HTR4: variants seen among roughly 807,000 people sequenced by gnomAD.
The protein encoded by HTR4 is 5-hydroxytryptamine (serotonin) receptor 4, G protein-coupled.
HTR4 carries 16 observed loss-of-function variants against 36.8 expected under a neutral mutation model. The ratio of observed to expected loss-of-function variants is 0.43; its 90% CI spans 0.29 to 0.66. HTR4 has a LOEUF of 0.66. Among genes scored for constraint, HTR4 ranks in the 30% least tolerant of loss-of-function variants. HTR4 has a pLI of 0.13. For synonymous variants in HTR4, 189 were observed against 185.1 expected (o/e 1.02, Z -0.17); for missense variants, 438 against 490.9 (o/e 0.89, Z 1.02).
chr5:148,513,530 A>G (rs1212263265), intron 5 of HTR4, among the ~76,000 whole-genome samples: 4 of 152,184 alleles, frequency 2.6e-5, no homozygotes, highest in Non-Finnish European at 4.4e-5. Context: ...TTTAACTTCT[A>G]TAACTTCATA....
At chr5:148,477,703 C>T (rs933512748), downstream of HTR4, among the ~76,000 whole-genome samples, 1 of 152,188 alleles carries the variant, frequency 6.6e-6, no homozygotes, top group African/African-American at 2.4e-5. Context: ...TGGTAAATGG[C>T]ACCAAAGCTA....
chr5:148,587,980 C>A (rs184050831), intron 2 of HTR4, among the ~76,000 whole-genome samples: 1 of 152,206 alleles, frequency 6.6e-6, no homozygotes, highest in Non-Finnish European at 1.5e-5. Flanking sequence ...GGATAACTGA[C>A]TGCCCTCAGT....
chr5:148,478,111 T>C (rs115744916), downstream of HTR4, among the ~76,000 whole-genome samples: 190 of 152,362 alleles, frequency 1.2e-3, no homozygotes, highest in African/African-American at 4.5e-3. Flanking sequence ...AGTAGACTTC[T>C]GGCAAGAGAC....
chr5:148,459,071 T>C (rs1033435278), intron 5 of HTR4, among the ~76,000 whole-genome samples: 13 of 152,110 alleles, frequency 8.5e-5, no homozygotes, highest in African/African-American at 3.1e-4. Context: ...TGAGATGTAG[T>C]TGGATTCAGG....
chr5:148,540,180 T>C (rs1759034949), intron 4 of HTR4, among the ~76,000 whole-genome samples: 2 of 151,256 alleles, frequency 1.3e-5, no homozygotes, highest in African/African-American at 2.4e-5. Flanking sequence ...CGAGAACTCA[T>C]GAACACAAAA....
intron 5 of HTR4, among the ~76,000 whole-genome samples, chr5:148,518,107 A>C (rs1338647605): frequency 1.3e-5 from 2 of 152,140 alleles, no homozygotes; most frequent in African/African-American, 4.8e-5. Flanking sequence ...TTAAAGTTGT[A>C]ACTGAAACAT....
intron 2 of HTR4, among the ~76,000 whole-genome samples, chr5:148,586,059 C>T (rs557681541): frequency 6.6e-6 from 1 of 152,294 alleles, no homozygotes; most frequent in Admixed American, 6.5e-5. Context: ...ACCTCACTCA[C>T]CATTTCTTTC....
At chr5:148,512,818 C>G (rs922897768) in intron 5 of HTR4, among the ~76,000 whole-genome samples, 4 of 151,988 alleles carry the variant, frequency 2.6e-5, no homozygotes, top group Non-Finnish European at 5.9e-5. Flanking sequence ...TGAATTCTAG[C>G]TCCTAGGGTG....
intron 5 of HTR4, among the ~76,000 whole-genome samples, chr5:148,462,765 G>C (rs1285651060): frequency 6.6e-6 from 1 of 152,030 alleles, no homozygotes; most frequent in Non-Finnish European, 1.5e-5. Context: ...TCATCAACAA[G>C]ATATTAGCAA....
intron 2 of HTR4, among the ~76,000 whole-genome samples, chr5:148,590,445 C>A (rs537057224): frequency 5.9e-5 from 9 of 151,502 alleles, no homozygotes; most frequent in Non-Finnish European, 1.2e-4. Flanking sequence ...TATAGGCATG[C>A]GCCACCATGC....
rs1312219847 is a variant in HTR4 at position 148,585,733 on chromosome 5, A to G, written c.27-35471T>C. ...CCTATTGGGTTGGTCTTTTGTCTAT[A>G]TCCTGAAATTCCTGATTTACATTTT... On this transcript the variant is annotated intron_variant, in intron 2 of 6. Coordinates refer to ENST00000377888, the MANE Select transcript of HTR4 (RefSeq NM_000870.7). Among the ~76,000 whole-genome samples the G allele has an allele frequency of 2.6e-5, 4 of 152,174 alleles. No individual in the cohort carries two copies. The East Asian group carries it at 7.7e-4, about 29-fold the overall frequency.
intron 5 of HTR4, among the ~76,000 whole-genome samples, chr5:148,457,152 A>G (rs1459297432): frequency 6.6e-6 from 1 of 151,608 alleles, no homozygotes; most frequent in Non-Finnish European, 1.5e-5. Context: ...AGAGACAATC[A>G]TCTGTCAGAG....
At chr5:148,651,717 A>C (rs529454625) in intron 1 of HTR4, among the ~76,000 whole-genome samples, 31 of 147,890 alleles carry the variant, frequency 2.1e-4, no homozygotes, top group African/African-American at 8.3e-4. Context: ...TTATTGAATA[A>C]TATTATTGAA....
At chr5:148,548,507 G>C (rs1202214026) in intron 4 of HTR4, among the ~76,000 whole-genome samples, 161 bp downstream of exon 4, 1 of 152,170 alleles carries the variant, frequency 6.6e-6, no homozygotes, top group Non-Finnish European at 1.5e-5. Flanking sequence ...TAAAAAGGGG[G>C]CCTCTGCAAA....
intron 2 of HTR4, among the ~76,000 whole-genome samples, chr5:148,633,964 T>C (rs1056727837): frequency 6.6e-6 from 1 of 152,170 alleles, no homozygotes; most frequent in South Asian, 2.1e-4. Flanking sequence ...TAGTTTCTGA[T>C]GTTTTTAGTC....
intron 2 of HTR4, among the ~76,000 whole-genome samples, chr5:148,590,569 T>G (rs1033241698): frequency 6.6e-6 from 1 of 152,134 alleles, no homozygotes; most frequent in African/African-American, 2.4e-5. Flanking sequence ...ATTAAATTTT[T>G]GGGGTATATC....
chr5:148,586,339 T>C (rs1761348313), intron 2 of HTR4, among the ~76,000 whole-genome samples: 1 of 151,994 alleles, frequency 6.6e-6, no homozygotes, highest in African/African-American at 2.4e-5. Flanking sequence ...GTTGAACAAA[T>C]GAATGAATAA....
chr5:148,557,644 A>C (rs1003284185), intron 2 of HTR4, among the ~76,000 whole-genome samples: 1 of 152,050 alleles, frequency 6.6e-6, no homozygotes, highest in African/African-American at 2.4e-5. Flanking sequence ...TAGAGAAGGT[A>C]GAACCAGCAG....
intron 1 of HTR4, among the ~76,000 whole-genome samples, chr5:148,653,512 G>T (rs936670251): frequency 1.3e-5 from 2 of 152,112 alleles, no homozygotes; most frequent in African/African-American, 2.4e-5. Context: ...GACCGCCAAG[G>T]CTTTATGCAG....
Sources: allele counts gnomAD v4.1 joint callset (sites outside exome capture counted in the v4.1 genomes callset), GRCh38; gene constraint gnomAD v4.1.1; transcripts MANE v1.5; gene names NCBI Gene and HGNC (gene_info 2026-07-23, HGNC 2026-07-21).